Variants in CYP4F8 observed in about 807,000 individuals in gnomAD.
CYP4F8 encodes the protein cytochrome P450 family 4 subfamily F member 8.
In CYP4F8, 56 loss-of-function variants were observed where a neutral mutation model predicts 55.0. The observed-to-expected ratio is 1.02, with a 90% CI of 0.82 to 1.27. The LOEUF is 1.27. CYP4F8 is among the 50% of genes most tolerant of loss of function. The pLI, the probability that CYP4F8 is intolerant of heterozygous loss-of-function variation, is 0.00. For missense variants in CYP4F8, 680 were observed against 682.4 expected, an observed-to-expected ratio of 1.00 and a Z score of 0.04; for synonymous variants, 288 against 267.3, an observed-to-expected ratio of 1.08 and a Z score of -0.76.
chr19:15,624,432 G>A (rs985134244), intron 9 of CYP4F8, among the ~76,000 whole-genome samples: 6 of 152,120 alleles, frequency 3.9e-5, no homozygotes, highest in African/African-American at 7.2e-5. Context: ...GGCAAATACC[G>A]CAATGACTTT....
In CYP4F8 at chr19:15,629,189, C is replaced by T; in HGVS notation, c.1398-4C>T. ...GCAGTCAGACCTTCCACCTTGGCCC[C>T]CAGGAACTGCATCGGGCAGAAGTTC... On this transcript the variant is annotated splice_polypyrimidine_tract_variant and splice_region_variant and intron_variant, in intron 12 of 12. Transcript: ENST00000612078. The T allele has an allele frequency of 1.2e-6, 2 of 1,602,202 alleles. No homozygotes were observed. The highest frequency in any genetic ancestry group is 2.2e-5 in the South Asian group (2 of 89,242).
At chr19:15,628,721 G>A in intron 11 of CYP4F8, 40 bp from the exon 12 acceptor site, 1 of 1,611,362 alleles carries the variant, frequency 6.2e-7, no homozygotes, top group Non-Finnish European at 8.5e-7. Flanking sequence ...TGGGTGTCCT[G>A]AGAGGCCCCA....
chr19:15,628,636 G>C lies in CYP4F8; in HGVS notation c.1314+41G>C, dbSNP rs11669673. The C allele has an allele frequency of 3.7e-6, 6 of 1,609,282 alleles. No homozygotes were observed. In the Admixed American group the frequency reaches 6.7e-5, roughly 18 times the overall value. On this transcript the variant is annotated intron_variant, in intron 11 of 12. Transcript: ENST00000612078. Reference sequence around the variant, plus strand: ...GTTTCTCCATCCCCCGGGCCTGGTCGGGGGAGGGGTCTTGTCCCGGAAAAC... The same window carrying C: ...GTTTCTCCATCCCCCGGGCCTGGTCCGGGGAGGGGTCTTGTCCCGGAAAAC...
chr19:15,625,860 G>A (rs540140184), intron 9 of CYP4F8, among the ~76,000 whole-genome samples: 34 of 152,274 alleles, frequency 2.2e-4, no homozygotes, highest in African/African-American at 8.2e-4. Context: ...CCATCAGTAT[G>A]ATTACAAAAT....
At chr19:15,628,495 C>A (rs776379946) in intron 10 of CYP4F8, 36 bp from the exon 11 acceptor site, 6 of 1,613,396 alleles carry the variant, frequency 3.7e-6, no homozygotes, top group Non-Finnish European at 5.1e-6. Context: ...GCAGGCAGCT[C>A]GGACCTTGTT....
At position 15,615,762 on chromosome 19, in the gene CYP4F8, G is replaced by T; in HGVS notation, c.146G>T (p.Arg49Leu). ...TTCTATCACAACGGCCGCCGCCTCC[G>T]GTGTTTCCCGCAGCCCCGGAAACAG... ...YAFYHNGRRLRCFPQPRKQNW... is the reference protein window; with the variant it reads ...YAFYHNGRRLLCFPQPRKQNW... The change falls in exon 2 of 13, where the codon CGG becomes CTG. Residue 49 changes from arginine to leucine, a missense_variant. Transcript: ENST00000612078. 6.2e-7 allele frequency: 1 copy of T among 1,613,944 alleles called. No homozygotes were observed. The highest frequency in any genetic ancestry group is 8.5e-7 in the Non-Finnish European group (1 of 1,179,910).
At chr19:15,623,418 T>C (rs1174943582) in intron 7 of CYP4F8, 43 bp downstream of exon 7, 1 of 1,603,184 alleles carries the variant, frequency 6.2e-7, no homozygotes, top group Admixed American at 1.7e-5. Flanking sequence ...AAAATGGAGC[T>C]TCAGGTCAAA....
At chr19:15,628,924 A>G (rs1972299533) in intron 12 of CYP4F8, 81 bp downstream of exon 12, 1 of 1,441,840 alleles carries the variant, frequency 6.9e-7, no homozygotes, top group Non-Finnish European at 9.4e-7. Context: ...GACTTGTAGG[A>G]CCACGTGTTT....
At chr19:15,621,983 C>T (rs771441021) in intron 5 of CYP4F8, 2 of 442,666 alleles carry the variant, frequency 4.5e-6, no homozygotes, top group African/African-American at 2.1e-5. Flanking sequence ...TGTGAGTTGA[C>T]CAAGGGTACA....
In CYP4F8 at chr19:15,629,404, C is replaced by A; in HGVS notation, c.*46C>A. On this transcript the variant is annotated 3_prime_UTR_variant, in exon 13 of 13. Transcript: ENST00000612078. ...CCTACCTTTGCATCACCTACCTTTG[C>A]ACCAACTACCTTTTCAGATTTCCGG... The A allele has an allele frequency of 6.5e-7, 1 of 1,533,452 alleles. No individual in the cohort carries two copies. The highest frequency in any genetic ancestry group is 8.8e-7 in the Non-Finnish European group (1 of 1,139,978). 95.0% of individuals were successfully genotyped at this position (1,533,452 alleles called of 1,614,324 possible).
Position 15,619,687 on chromosome 19 carries a change from G to A in CYP4F8, c.450G>A (p.Leu150=). 3 of 1,613,170 alleles carry A rather than the reference G, an allele frequency of 1.9e-6. No individual in the cohort carries two copies. Among genetic ancestry groups the A allele is most frequent in the Middle Eastern group, 1.7e-4 (1 of 6,050 alleles). ...VGDKWRHHRR[L]LTPAFHFNIL... ...ACAAGTGGAGACACCACCGTCGCTT[G>A]CTGACGCCTGCCTTCCATTTCAACA... The change falls in exon 5 of 13, where the codon TTG becomes TTA. Residue 150 remains leucine, a synonymous_variant. Transcript: ENST00000612078.
intron 6 of CYP4F8, 101 bp downstream of exon 6, chr19:15,622,441 G>C: frequency 6.7e-7 from 1 of 1,500,872 alleles, no homozygotes. Context: ...CTGGAGAGAT[G>C]ATGAGAACTA....
intron 1 of CYP4F8, 57 bp downstream of exon 1, chr19:15,615,337 T>C: frequency 3.3e-6 from 1 of 301,406 alleles, no homozygotes; most frequent in Non-Finnish European, 6.2e-6. Context: ...AAGACTGGGA[T>C]GGCTCCAGGG....
rs1357716752 is a variant in CYP4F8 at position 15,628,451 on chromosome 19, G to A, written c.1249+16G>A. The A allele has an allele frequency of 6.2e-7, 1 of 1,613,802 alleles. No individual in the cohort carries two copies. Among genetic ancestry groups the A allele is most frequent in the Non-Finnish European group, 8.5e-7 (1 of 1,179,852 alleles). ...ATCCCCAAAGGTGCCCTCCATGGCA[G>A]GGGAGGAGGGTCCTGGGCAGGGCGG... On this transcript the variant is annotated intron_variant, in intron 10 of 12. Transcript: ENST00000612078.
rs1414486825 is a variant in CYP4F8, at chr19:15,623,316, C to T, written c.859C>T (p.Leu287Phe). 1 of 1,614,072 alleles carries T rather than the reference C, an allele frequency of 6.2e-7. No homozygotes were observed. Among genetic ancestry groups the T allele is most frequent in the East Asian group, 2.2e-5 (1 of 44,856 alleles). ...CACTAGCCAGGGTGTTGATGACTTC[C>T]TCCAAGCCAAGGCCAAGTCCAAGAC... ...TLTSQGVDDF[L>F]QAKAKSKTLD... Residue 287 changes from leucine to phenylalanine, a missense_variant, in exon 7 of 13, where the codon CTC (leucine) becomes TTC (phenylalanine). Transcript: ENST00000612078.
At chr19:15,626,425 T>C (rs1370488435) in intron 9 of CYP4F8, among the ~76,000 whole-genome samples, 1 of 152,234 alleles carries the variant, frequency 6.6e-6, no homozygotes, top group Admixed American at 6.5e-5. Context: ...TGGTACCTCG[T>C]TGTCAGCTAG....
chr19:15,628,731 A>T (rs888060734), intron 11 of CYP4F8, 30 bp from the exon 12 acceptor site: 1 of 1,612,316 alleles, frequency 6.2e-7, no homozygotes, highest in Admixed American at 1.7e-5. Context: ...GAGAGGCCCC[A>T]TCAGCAGCCT....
chr19:15,620,323 C>T (rs3952637), intron 5 of CYP4F8, among the ~76,000 whole-genome samples: 70,973 of 151,910 alleles, frequency 0.47, 17,304 homozygotes, highest in Non-Finnish European at 0.54. Context: ...CTAGATGACA[C>T]CCCAGGATTG....
At chr19:15,625,427 T>G (rs1285104447) in intron 9 of CYP4F8, among the ~76,000 whole-genome samples, 3 of 149,600 alleles carry the variant, frequency 2.0e-5, no homozygotes, top group Non-Finnish European at 4.4e-5. Flanking sequence ...GTGTATACAC[T>G]ATATATATAT....
Sources: gnomAD v4.1 joint callset for allele counts (sites outside exome capture counted in the v4.1 genomes callset) on GRCh38, gnomAD v4.1.1 for gene constraint, MANE v1.5 for transcripts, NCBI Gene and HGNC (gene_info 2026-07-23, HGNC 2026-07-21) for gene names.